Variants in CBFA2T2 observed in about 807,000 individuals in gnomAD.
CBFA2T2 encodes protein CBFA2T2.
Under a neutral mutation model 62.2 loss-of-function variants are expected in CBFA2T2, and 11 were observed. That is an observed-to-expected ratio of 0.18 (90% CI 0.11 to 0.29). CBFA2T2 has a LOEUF of 0.29. Ranked by LOEUF, CBFA2T2 falls within the 10% of genes least tolerant of loss-of-function variation. The pLI is 1.00. For missense variants in CBFA2T2, 592 were observed against 774.1 expected, an observed-to-expected ratio of 0.76 and a Z score of 2.79; for synonymous variants, 295 against 287.5, an observed-to-expected ratio of 1.03 and a Z score of -0.27.
intron 1 of CBFA2T2, among the ~76,000 whole-genome samples, chr20:33,602,579 G>A (rs947063227): frequency 5.3e-5 from 8 of 151,856 alleles, no homozygotes; most frequent in Admixed American, 3.3e-4. Flanking sequence ...CCTTACCCAC[G>A]TGGAATATGT....
At chr20:33,520,996 AC>A (rs879316347) in intron 1 of CBFA2T2, among the ~76,000 whole-genome samples, 3 of 149,660 alleles carry the variant, frequency 2.0e-5, no homozygotes, top group Non-Finnish European at 4.4e-5. Flanking sequence ...ACACACACAC[AC>A]ACAATTTTCA....
chr20:33,535,593 TTGAG>T (rs200022976), intron 1 of CBFA2T2, among the ~76,000 whole-genome samples: 3,337 of 150,022 alleles, frequency 0.022, 116 homozygotes, highest in African/African-American at 0.078. Flanking sequence ...TGGGCATGGA[TTGAG>T]TTTTATTTTT....
chr20:33,623,892 G>T, intron 5 of CBFA2T2: 1 of 715,150 alleles, frequency 1.4e-6, no homozygotes, highest in South Asian at 1.5e-5. Flanking sequence ...TGGGTCGACT[G>T]TTCCAGAAGC....
intron 1 of CBFA2T2, among the ~76,000 whole-genome samples, chr20:33,588,720 G>T (rs1368227736): frequency 5.9e-5 from 9 of 152,106 alleles, no homozygotes; most frequent in Non-Finnish European, 1.2e-4. Flanking sequence ...GCTGAGCCAG[G>T]TGTATCACTT....
chr20:33,562,157 C>T (rs1259893667), intron 1 of CBFA2T2, among the ~76,000 whole-genome samples: 3 of 152,082 alleles, frequency 2.0e-5, no homozygotes, highest in East Asian at 1.9e-4. Context: ...TGTGTCTCTA[C>T]GTGTTATTCC....
Position 33,606,950 on chromosome 20 carries a change from C to T in CBFA2T2, c.35-6C>T, listed in dbSNP as rs1230044010. 1.2e-6 allele frequency: 2 copies of T among 1,612,492 alleles called. No individual in the cohort carries two copies. The highest frequency in any genetic ancestry group is 1.7e-6 in the Non-Finnish European group (2 of 1,179,102). ...CCCTAACCTCCATTTCTCTGATTCT[C>T]TGCAGTTGGTCCTGAGAAAAGGGTG... On this transcript the variant is annotated splice_region_variant and splice_polypyrimidine_tract_variant and intron_variant, in intron 1 of 10. Transcript: ENST00000342704.
chr20:33,582,793 T>G (rs2014180445), intron 1 of CBFA2T2, among the ~76,000 whole-genome samples: 1 of 151,918 alleles, frequency 6.6e-6, no homozygotes, highest in Non-Finnish European at 1.5e-5. Flanking sequence ...AATACAAACA[T>G]TAGCCAGGTG....
At chr20:33,509,569 T>C (rs2011472248) in intron 1 of CBFA2T2, among the ~76,000 whole-genome samples, 1 of 152,140 alleles carries the variant, frequency 6.6e-6, no homozygotes. Flanking sequence ...GGCTCACACC[T>C]GTAATCCCAG....
At position 33,560,418 on chromosome 20, in the gene CBFA2T2, A is replaced by G. The variant is rs116662418; in HGVS notation, c.35-46538A>G. On this transcript the variant is annotated intron_variant, in intron 1 of 10. Coordinates refer to ENST00000342704, the MANE Select transcript of CBFA2T2 (RefSeq NM_001032999.3). The stretch of plus-strand genomic sequence containing the variant: ...AACTTGTTTGAACATTACTTTCCTT[A>G]GCTATAACTTTGAGACAATAATACC... 4.2e-3 allele frequency among the ~76,000 whole-genome samples: 638 copies of G among 152,300 alleles called. 4 individuals carry two copies. Among genetic ancestry groups the G allele is most frequent in the African/African-American group, 0.014 (592 of 41,556 alleles).
chr20:33,623,012 G>GAA (rs1053839599), intron 4 of CBFA2T2, 103 bp from the exon 5 acceptor site: 2 of 1,069,776 alleles, frequency 1.9e-6, no homozygotes, highest in African/African-American at 3.2e-5. Context: ...GCCAAGGAGA[G>GAA]AAAGGCTTTT....
chr20:33,591,807 C>CT (rs201113780), intron 1 of CBFA2T2, among the ~76,000 whole-genome samples: 206 of 130,016 alleles, frequency 1.6e-3, no homozygotes, highest in African/African-American at 5.7e-3. Context: ...AAATCTGATA[C>CT]TTTCCCAAGT....
chr20:33,598,422 T>C (rs2014981002), intron 1 of CBFA2T2, among the ~76,000 whole-genome samples: 1 of 152,182 alleles, frequency 6.6e-6, no homozygotes, highest in Admixed American at 6.5e-5. Context: ...AGAAAAAGAA[T>C]TCAGTGATAT....
intron 1 of CBFA2T2, among the ~76,000 whole-genome samples, chr20:33,587,115 G>A (rs992509825): frequency 3.3e-5 from 5 of 151,426 alleles, no homozygotes; most frequent in African/African-American, 2.4e-5. Flanking sequence ...CGAATTCGAT[G>A]GCATCTTTTT....
Position 33,644,776 on chromosome 20 carries a change from C to A in CBFA2T2, c.*130C>A. On this transcript the variant is annotated 3_prime_UTR_variant, in exon 11 of 11. Coordinates refer to ENST00000342704, the MANE Select transcript of CBFA2T2 (RefSeq NM_001032999.3). ...GAAATGAATTGGAGGCAGGAAGAGT[C>A]CAAGCCTGAATAATAACACCCCACA... The A allele has an allele frequency of 1.0e-6, 1 of 981,198 alleles. No individual in the cohort carries two copies. Among genetic ancestry groups the A allele is most frequent in the Non-Finnish European group, 1.5e-6 (1 of 668,702 alleles). The allele number at this position is 981,198 out of a possible 1,614,324, so 60.8% of individuals were successfully genotyped here. A position where few individuals can be genotyped will look rare whatever the true frequency, so the allele number is the denominator to read the frequency against.
intron 4 of CBFA2T2, among the ~76,000 whole-genome samples, chr20:33,620,577 C>T (rs1226945192): frequency 6.6e-6 from 1 of 152,100 alleles, no homozygotes; most frequent in Non-Finnish European, 1.5e-5. Flanking sequence ...TGGTGGCTCA[C>T]GCCTATAATC....
chr20:33,647,561 G>A lies in CBFA2T2; in HGVS notation c.*2915G>A, dbSNP rs2017097366. ...GGCCTCCCAAAGTGCCAGGATTACA[G>A]GCATGAGCCACTGTGTCCGGTCTTG... is the stretch of plus-strand genomic sequence containing the variant. On this transcript the variant is annotated 3_prime_UTR_variant, in exon 11 of 11. Transcript: ENST00000342704. 1 of 152,262 alleles carries A rather than the reference G, an allele frequency of 6.6e-6. No individual in the cohort carries two copies. 9.4% of individuals were successfully genotyped at this position (152,262 alleles called of 1,614,324 possible).
intron 1 of CBFA2T2, among the ~76,000 whole-genome samples, chr20:33,498,057 A>C: frequency 6.6e-6 from 1 of 151,780 alleles, no homozygotes; most frequent in East Asian, 1.9e-4. Context: ...GTATTTTTAA[A>C]ATTTTTGTTT....
At chr20:33,603,605 T>C (rs1326526132) in intron 1 of CBFA2T2, among the ~76,000 whole-genome samples, 1 of 152,204 alleles carries the variant, frequency 6.6e-6, no homozygotes, top group Non-Finnish European at 1.5e-5. Context: ...TGGACCCTTA[T>C]GACAAAACCA....
chr20:33,497,883 A>G (rs1383939841), intron 1 of CBFA2T2, among the ~76,000 whole-genome samples: 1 of 151,662 alleles, frequency 6.6e-6, no homozygotes, highest in Non-Finnish European at 1.5e-5. Flanking sequence ...GGATGTTTCT[A>G]TGTTTCCCAT....
Sources: gnomAD v4.1 joint callset for allele counts (sites outside exome capture counted in the v4.1 genomes callset) on GRCh38, gnomAD v4.1.1 for gene constraint, MANE v1.5 for transcripts, NCBI Gene and HGNC (gene_info 2026-07-23, HGNC 2026-07-21) for gene names.